Variants in TPGS2 observed in about 807,000 individuals in gnomAD.
The protein encoded by TPGS2 is tubulin polyglutamylase complex subunit 2.
TPGS2 carries 26 observed loss-of-function variants against 31.1 expected under a neutral mutation model. That is an observed-to-expected ratio of 0.84 (90% CI 0.61 to 1.16). TPGS2 has a LOEUF of 1.16. TPGS2 is among the 50% of genes most tolerant of loss of function. The pLI is 0.00. For missense variants in TPGS2, 351 were observed against 363.8 expected (o/e 0.96, Z 0.29); for synonymous variants, 130 against 136.6 (o/e 0.95, Z 0.34).
intron 1 of TPGS2, among the ~76,000 whole-genome samples, chr18:36,826,266 A>G (rs1280247183): frequency 6.6e-6 from 1 of 152,190 alleles, no homozygotes; most frequent in African/African-American, 2.4e-5. Flanking sequence ...GTCTCAAGCA[A>G]TCCTCTCACC....
intron 6 of TPGS2, among the ~76,000 whole-genome samples, chr18:36,783,663 C>T (rs898041483): frequency 1.3e-5 from 2 of 152,152 alleles, no homozygotes; most frequent in Non-Finnish European, 2.9e-5. Flanking sequence ...TTCCAGGCTC[C>T]TGGTCTGTGA....
intron 6 of TPGS2, among the ~76,000 whole-genome samples, chr18:36,788,167 C>T (rs956877447): frequency 1.1e-4 from 16 of 152,174 alleles, no homozygotes; most frequent in African/African-American, 3.6e-4. Context: ...GGCCTAAAAA[C>T]ATGGTTTGTG....
intron 3 of TPGS2, among the ~76,000 whole-genome samples, chr18:36,806,883 T>TAAAAAAAA (rs2045169708): frequency 1.6e-5 from 1 of 61,324 alleles, no homozygotes; most frequent in African/African-American, 1.0e-4. Context: ...AAAAAAAAAG[T>TAAAAAAAA]ACCTCTGACC....
At position 36,795,166 on chromosome 18, in the gene TPGS2, A is replaced by C; in HGVS notation, c.*1639T>G. The C allele has an allele frequency of 2.0e-6, 2 of 985,340 alleles. No individual in the cohort carries two copies. The highest frequency in any genetic ancestry group is 2.4e-6 in the Non-Finnish European group (2 of 829,930). The allele number at this position is 985,340 out of a possible 1,614,324, so 61.0% of individuals were successfully genotyped here. On this transcript the variant is annotated 3_prime_UTR_variant, in exon 7 of 7. Transcript: ENST00000334295. ...AGATATCGAAGGCGCTTTCTCATGAATATCTATCACTATTGTCAACAATCA... is the reference window on the plus strand; with the variant it reads ...AGATATCGAAGGCGCTTTCTCATGACTATCTATCACTATTGTCAACAATCA...
chr18:36,804,035 A>G (rs1377783943), intron 4 of TPGS2, among the ~76,000 whole-genome samples: 2 of 152,158 alleles, frequency 1.3e-5, no homozygotes, highest in African/African-American at 4.8e-5. Context: ...TGATGATAGC[A>G]CACTACAGCC....
intron 4 of TPGS2, among the ~76,000 whole-genome samples, chr18:36,802,850 T>A (rs1002471105): frequency 7.2e-5 from 11 of 152,084 alleles, no homozygotes; most frequent in Non-Finnish European, 1.2e-4. Flanking sequence ...ATGGTCTTGA[T>A]CTCCTGACCT....
chr18:36,799,311 G>C (rs1022837523), intron 5 of TPGS2, among the ~76,000 whole-genome samples: 1 of 152,134 alleles, frequency 6.6e-6, no homozygotes, highest in Non-Finnish European at 1.5e-5. Flanking sequence ...TCCACATTAT[G>C]TCCAAACTCC....
chr18:36,806,838 G>GAGA (rs1390822635), intron 3 of TPGS2, among the ~76,000 whole-genome samples: 1 of 111,360 alleles, frequency 9.0e-6, no homozygotes, highest in Admixed American at 1.2e-4. Context: ...GCAACAGAGT[G>GAGA]AGACTCCATC....
chr18:36,816,680 T>C (rs16968327), intron 2 of TPGS2, among the ~76,000 whole-genome samples: 1 of 152,058 alleles, frequency 6.6e-6, no homozygotes, highest in Non-Finnish European at 1.5e-5. Flanking sequence ...GCGATCTCAG[T>C]TCACTACAAC....
At chr18:36,792,652 A>G (rs573923630), downstream of TPGS2, among the ~76,000 whole-genome samples, 5 of 152,226 alleles carry the variant, frequency 3.3e-5, no homozygotes, top group African/African-American at 1.2e-4. Context: ...TTTCCTGGCA[A>G]TTTTGATTTA....
intron 4 of TPGS2, 28 bp from the exon 5 acceptor site, chr18:36,800,339 T>A: frequency 6.2e-7 from 1 of 1,605,468 alleles, no homozygotes; most frequent in Non-Finnish European, 8.5e-7. Flanking sequence ...AATGGTAATG[T>A]TCAAACAAAC....
intron 1 of TPGS2, among the ~76,000 whole-genome samples, chr18:36,827,260 CCAAA>C (rs554267196): frequency 6.6e-6 from 1 of 152,006 alleles, no homozygotes; most frequent in Non-Finnish European, 1.5e-5. Flanking sequence ...TAAAAATCAA[CCAAA>C]CAAATACATA....
chr18:36,827,296 A>G (rs1356775048), intron 1 of TPGS2, among the ~76,000 whole-genome samples: 1 of 152,274 alleles, frequency 6.6e-6, no homozygotes, highest in Non-Finnish European at 1.5e-5. Context: ...TGAAAGTGCT[A>G]TAAGAATAAA....
chr18:36,807,843 T>C lies in TPGS2; in HGVS notation c.253+4A>G, dbSNP rs1267462239. 8.1e-6 allele frequency: 13 copies of C among 1,613,800 alleles called. No homozygotes were observed. The highest frequency in any genetic ancestry group is 1.0e-5 in the Non-Finnish European group (12 of 1,179,882). On this transcript the variant is annotated splice_donor_region_variant and intron_variant, in intron 3 of 6. Transcript: ENST00000334295. Reference sequence around the variant, plus strand: ...AATGTTCTCCTACAAGGAGGCTGACTCACCATCCAGCTTCACACTCCATGT... The same window carrying C: ...AATGTTCTCCTACAAGGAGGCTGACCCACCATCCAGCTTCACACTCCATGT...
At chr18:36,811,174 A>C (rs1161049184) in intron 2 of TPGS2, among the ~76,000 whole-genome samples, 1 of 152,198 alleles carries the variant, frequency 6.6e-6, no homozygotes, top group African/African-American at 2.4e-5. Context: ...GCATCTCCTG[A>C]AACTCTTCTC....
chr18:36,811,871 T>C lies in TPGS2; in HGVS notation c.166-3937A>G, dbSNP rs539689151. ...GGCAGAGAAGGCTGTGTCAGACACA[T>C]GGATTGCTTATTCAAATCCACCTTC... is the stretch of plus-strand genomic sequence containing the variant. On this transcript the variant is annotated intron_variant, in intron 2 of 6. Transcript: ENST00000334295. 2.6e-5 allele frequency among the ~76,000 whole-genome samples: 4 copies of C among 152,356 alleles called. No individual in the cohort carries two copies. In the East Asian group the frequency reaches 5.8e-4, roughly 22 times the overall value.
intron 1 of TPGS2, 55 bp downstream of exon 1, chr18:36,828,628 C>T: frequency 1.9e-6 from 3 of 1,596,360 alleles, no homozygotes; most frequent in South Asian, 2.2e-5. Context: ...CTCATCCCTC[C>T]GCTCCTCCTT....
chr18:36,803,847 A>G (rs1197497501), intron 4 of TPGS2, among the ~76,000 whole-genome samples: 1 of 152,016 alleles, frequency 6.6e-6, no homozygotes, highest in Non-Finnish European at 1.5e-5. Context: ...TCTTGTTCTT[A>G]GATTTTTATC....
Position 36,796,485 on chromosome 18 carries a change from T to C in TPGS2, c.*320A>G. 11 of 1,091,954 alleles carry C rather than the reference T, an allele frequency of 1.0e-5. No individual in the cohort carries two copies. Among genetic ancestry groups the C allele is most frequent in the African/African-American group, 3.3e-5 (2 of 61,056 alleles). 67.6% of individuals were successfully genotyped at this position (1,091,954 alleles called of 1,614,324 possible). A position where few individuals can be genotyped will look rare whatever the true frequency, so the allele number is the denominator to read the frequency against. On this transcript the variant is annotated 3_prime_UTR_variant, in exon 7 of 7. Transcript: ENST00000334295. Reference sequence around the variant, plus strand: ...TCATGGGTCAAAACCAGTGGTTTCTTTGGGGGACCTCTCTAATCAATCAGT... The same window carrying C: ...TCATGGGTCAAAACCAGTGGTTTCTCTGGGGGACCTCTCTAATCAATCAGT...
Sources: allele counts gnomAD v4.1 joint callset (sites outside exome capture counted in the v4.1 genomes callset), GRCh38; gene constraint gnomAD v4.1.1; transcripts MANE v1.5; gene names NCBI Gene and HGNC (gene_info 2026-07-23, HGNC 2026-07-21).